TAB2: variants seen among roughly 807,000 people sequenced by gnomAD.
TAB2 encodes TGF-beta activated kinase 1 (MAP3K7) binding protein 2, also known as TGF-beta-activated kinase 1 and MAP3K7-binding protein 2.
TAB2 carries 3 observed loss-of-function variants against 65.0 expected under a neutral mutation model. That is an observed-to-expected ratio of 0.05 (90% CI 0.02 to 0.12). The LOEUF (loss-of-function observed/expected upper bound fraction) is 0.12, where lower values mean the gene tolerates loss of function less well. Ranked by LOEUF, TAB2 falls within the 10% of genes least tolerant of loss-of-function variation. The pLI is 1.00. For synonymous variants in TAB2, 298 were observed against 285.1 expected (o/e 1.05, Z -0.46); for missense variants, 623 against 840.3 (o/e 0.74, Z 3.20).
chr6:149,319,584 C>T lies in TAB2; in HGVS notation c.-90+1569C>T, dbSNP rs181729261. The stretch of plus-strand genomic sequence containing the variant: ...ATATGATGTACTATCAATGTGTTAA[C>T]AGGAAATAGAACAAAAATTCCAGTG... On this transcript the variant is annotated intron_variant, in intron 1 of 6. Transcript: ENST00000637181. 1.1e-4 allele frequency among the ~76,000 whole-genome samples: 17 copies of T among 152,262 alleles called. 1 individual carries two copies. In the East Asian group the frequency reaches 2.3e-3, roughly 21 times the overall value.
At chr6:149,407,097 T>A (rs1782690446) in intron 6 of TAB2, among the ~76,000 whole-genome samples, 1 of 152,162 alleles carries the variant, frequency 6.6e-6, no homozygotes, top group Non-Finnish European at 1.5e-5. Context: ...TGGAATACAA[T>A]GAAAAGTTAT....
At chr6:149,352,472 G>C (rs547113164) in intron 1 of TAB2, among the ~76,000 whole-genome samples, 48 of 152,182 alleles carry the variant, frequency 3.2e-4, no homozygotes, top group Non-Finnish European at 5.7e-4. Flanking sequence ...GTTGGTGATT[G>C]ACTTCATTTT....
intron 2 of TAB2, among the ~76,000 whole-genome samples, chr6:149,374,734 AC>A (rs776498005): frequency 9.8e-5 from 15 of 152,366 alleles, no homozygotes; most frequent in Non-Finnish European, 1.8e-4. Context: ...TGTGATGGTC[AC>A]CAAAAATTCA....
intron 1 of TAB2, among the ~76,000 whole-genome samples, chr6:149,344,491 A>G (rs1467964944): frequency 6.6e-6 from 1 of 152,210 alleles, no homozygotes; most frequent in African/African-American, 2.4e-5. Context: ...GAGTATTTCT[A>G]AGTTATGGAG....
At chr6:149,329,392 A>T (rs372720142) in intron 1 of TAB2, among the ~76,000 whole-genome samples, 1 of 152,200 alleles carries the variant, frequency 6.6e-6, no homozygotes, top group East Asian at 1.9e-4. Flanking sequence ...CCCTGGGTGC[A>T]TAGTTGTGAT....
chr6:149,300,417 C>T (rs1161424963), intron 1 of TAB2, among the ~76,000 whole-genome samples: 1 of 152,152 alleles, frequency 6.6e-6, no homozygotes, highest in Non-Finnish European at 1.5e-5. Flanking sequence ...GAGCAAGTCA[C>T]ATCAGTTTCT....
intron 3 of TAB2, among the ~76,000 whole-genome samples, chr6:149,389,064 CCCTGCCT>C (rs1781896566): frequency 6.6e-6 from 1 of 151,352 alleles, no homozygotes. Context: ...CAAGCAATTC[CCCTGCCT>C]CAGCCTCCCC....
chr6:149,268,833 G>T (rs4897102), intron 1 of TAB2, among the ~76,000 whole-genome samples: 79,614 of 152,004 alleles, frequency 0.52, 22,500 homozygotes, highest in African/African-American at 0.74. Context: ...ATAAAAACTT[G>T]TTTATAAAAC....
intron 3 of TAB2, among the ~76,000 whole-genome samples, chr6:149,381,569 C>CTTTTTTTTTT (rs557951574): frequency 2.1e-5 from 2 of 95,582 alleles, no homozygotes; most frequent in Admixed American, 1.2e-4. Context: ...CCCTCCTATT[C>CTTTTTTTTTT]TTTTTTTTTT....
intron 1 of TAB2, among the ~76,000 whole-genome samples, chr6:149,252,693 G>A (rs1380074453): frequency 6.6e-6 from 1 of 151,978 alleles, no homozygotes; most frequent in Admixed American, 6.6e-5. Context: ...GTATTTGCTC[G>A]TCTCACCCTA....
At chr6:149,252,314 G>A (rs1458085364) in intron 1 of TAB2, among the ~76,000 whole-genome samples, 3 of 151,460 alleles carry the variant, frequency 2.0e-5, no homozygotes, top group Admixed American at 6.6e-5. Context: ...CTGAGGGCAG[G>A]AGAATCTCTT....
intron 6 of TAB2, among the ~76,000 whole-genome samples, chr6:149,401,847 A>C (rs1284605922): frequency 2.0e-5 from 3 of 152,166 alleles, no homozygotes; most frequent in African/African-American, 7.2e-5. Context: ...ATTTAAACAC[A>C]GTCTTGAATA....
Position 149,386,082 on chromosome 6 carries a change from T to C in TAB2, c.1603+6564T>C, listed in dbSNP as rs566646950. 2.0e-5 allele frequency among the ~76,000 whole-genome samples: 3 copies of C among 152,306 alleles called. No homozygotes were observed. The South Asian group carries it at 6.2e-4, about 32-fold the overall frequency. ...CTTTATATTCACATACACATACGTG[T>C]GTGTATATATGTGTATACACACACT... is the stretch of plus-strand genomic sequence containing the variant. On this transcript the variant is annotated intron_variant, in intron 3 of 6. Coordinates refer to ENST00000637181, the MANE Select transcript of TAB2 (RefSeq NM_001292034.3).
chr6:149,316,874 C>T (rs1476327131), upstream of TAB2, among the ~76,000 whole-genome samples: 1 of 152,082 alleles, frequency 6.6e-6, no homozygotes, highest in Non-Finnish European at 1.5e-5. Context: ...AGTTGTGAGG[C>T]TCCCAAGACG....
chr6:149,290,126 C>A (rs1447938723), intron 1 of TAB2, among the ~76,000 whole-genome samples: 1 of 152,146 alleles, frequency 6.6e-6, no homozygotes, highest in African/African-American at 2.4e-5. Flanking sequence ...GTCTTAAGTT[C>A]TCTGTGTTGA....
chr6:149,322,968 A>T (rs1377625762), intron 1 of TAB2, among the ~76,000 whole-genome samples: 1 of 152,192 alleles, frequency 6.6e-6, no homozygotes, highest in Non-Finnish European at 1.5e-5. Context: ...TTAGACTGGA[A>T]GATCACGAAA....
intron 1 of TAB2, chr6:149,243,705 T>C (rs1226580035): frequency 6.6e-6 from 1 of 152,248 alleles, no homozygotes; most frequent in Non-Finnish European, 1.5e-5. Flanking sequence ...CAGTTCATTT[T>C]AAATATCCTA....
At chr6:149,361,157 ACT>A (rs1780834942) in intron 1 of TAB2, among the ~76,000 whole-genome samples, 1 of 151,646 alleles carries the variant, frequency 6.6e-6, no homozygotes. Flanking sequence ...CCCCATGGAG[ACT>A]CTGTGGGGCC....
At chr6:149,348,683 G>T (rs976783056) in intron 1 of TAB2, among the ~76,000 whole-genome samples, 2 of 151,912 alleles carry the variant, frequency 1.3e-5, no homozygotes, top group Admixed American at 1.3e-4. Flanking sequence ...AAAAGATAAG[G>T]CCGGGCGCAG....
Sources: gnomAD v4.1 joint callset for allele counts (sites outside exome capture counted in the v4.1 genomes callset) on GRCh38, gnomAD v4.1.1 for gene constraint, MANE v1.5 for transcripts, NCBI Gene and HGNC (gene_info 2026-07-23, HGNC 2026-07-21) for gene names.